MYH11: variants seen among roughly 807,000 people sequenced by gnomAD.
The protein encoded by MYH11 is myosin heavy chain 11, also known as myosin-11.
A neutral mutation model predicts 246.6 loss-of-function variants in MYH11; 80 were observed. The observed-to-expected ratio is 0.32, with a 90% CI of 0.27 to 0.39. The LOEUF (loss-of-function observed/expected upper bound fraction) is 0.39, where lower values mean the gene tolerates loss of function less well. Among genes scored for constraint, MYH11 ranks in the 10% least tolerant of loss-of-function variants. The pLI, the probability that MYH11 is intolerant of heterozygous loss-of-function variation, is 1.00. For synonymous variants in MYH11, 1,071 were observed against 1,015.5 expected, an observed-to-expected ratio of 1.05 and a Z score of -1.04; for missense variants, 2,158 against 2,546.8, an observed-to-expected ratio of 0.85 and a Z score of 3.29.
At chr16:15,756,795 T>C (rs1209010831) in intron 13 of MYH11, among the ~76,000 whole-genome samples, 1 of 13,232 alleles carries the variant, frequency 7.6e-5, no homozygotes, top group African/African-American at 1.3e-4. Context: ...TCATAACTCT[T>C]TTTTTTTTTT....
At chr16:15,731,340 C>G (rs867251403) in intron 27 of MYH11, among the ~76,000 whole-genome samples, 1 of 152,134 alleles carries the variant, frequency 6.6e-6, no homozygotes, top group African/African-American at 2.4e-5. Flanking sequence ...CTGTCACTTA[C>G]CAGCAGTGTG....
In MYH11 at chr16:15,706,285, A is replaced by C. The variant is rs543932324; in HGVS notation, c.5787-2162T>G. On this transcript the variant is annotated intron_variant, in intron 40 of 40. Transcript: ENST00000300036. ...TGACCCTTAAGTCTTTTTCTTTTTT[A>C]GCACTGTTTTCCAAGCGCTTGACTC... Among the ~76,000 whole-genome samples the C allele has an allele frequency of 2.0e-5, 3 of 152,148 alleles. No individual in the cohort carries two copies. The South Asian group carries it at 6.2e-4, about 32-fold the overall frequency.
At chr16:15,845,572 G>A (rs1011305393) in intron 1 of MYH11, among the ~76,000 whole-genome samples, 4 of 152,100 alleles carry the variant, frequency 2.6e-5, no homozygotes, top group South Asian at 2.1e-4. Flanking sequence ...GGCTTGATAC[G>A]ACGCGTCTTC....
At chr16:15,806,129 T>C (rs1244385187) in intron 3 of MYH11, among the ~76,000 whole-genome samples, 35 of 150,808 alleles carry the variant, frequency 2.3e-4, no homozygotes, top group Admixed American at 2.3e-3. Flanking sequence ...ATACAAAAAT[T>C]AGCCAGGTGT....
chr16:15,846,467 G>A (rs1369840901), intron 1 of MYH11, among the ~76,000 whole-genome samples: 1 of 152,162 alleles, frequency 6.6e-6, no homozygotes, highest in African/African-American at 2.4e-5. Flanking sequence ...ATGATTGCAA[G>A]GACAGAACGT....
intron 26 of MYH11, among the ~76,000 whole-genome samples, chr16:15,734,361 C>T (rs961431792): frequency 2.2e-4 from 34 of 151,898 alleles, no homozygotes; most frequent in Admixed American, 2.2e-3. Context: ...TGCGATGGTG[C>T]GATCTCAGCT....
intron 19 of MYH11, among the ~76,000 whole-genome samples, chr16:15,745,491 A>G (rs1021720440): frequency 6.6e-6 from 1 of 152,114 alleles, no homozygotes; most frequent in Non-Finnish European, 1.5e-5. Flanking sequence ...CTGAGATCCA[A>G]ACACCACTCA....
At chr16:15,759,196 CTTT>C (rs10593456) in intron 12 of MYH11, among the ~76,000 whole-genome samples, 129 of 119,376 alleles carry the variant, frequency 1.1e-3, no homozygotes, top group African/African-American at 3.7e-3. Flanking sequence ...GAGATATGTG[CTTT>C]TTTTTTTTTT....
intron 3 of MYH11, among the ~76,000 whole-genome samples, chr16:15,811,431 T>C (rs916447072): frequency 6.6e-6 from 1 of 152,088 alleles, no homozygotes; most frequent in African/African-American, 2.4e-5. Context: ...GGTCCCCAGG[T>C]TTGACTCTCA....
At chr16:15,833,614 G>C (rs2043812515) in intron 2 of MYH11, among the ~76,000 whole-genome samples, 1 of 152,162 alleles carries the variant, frequency 6.6e-6, no homozygotes, top group African/African-American at 2.4e-5. Flanking sequence ...AGCTCCTCTG[G>C]CTTCTATAGA....
intron 16 of MYH11, 147 bp from the exon 17 acceptor site, chr16:15,748,315 G>A (rs1404573782): frequency 1.5e-6 from 2 of 1,361,106 alleles, no homozygotes; most frequent in African/African-American, 2.9e-5. Context: ...GAGGGCCGAG[G>A]GGCAAAGCAG....
chr16:15,853,250 A>G (rs1013884272), intron 1 of MYH11, among the ~76,000 whole-genome samples: 2 of 152,064 alleles, frequency 1.3e-5, no homozygotes, highest in African/African-American at 4.8e-5. Flanking sequence ...GGCTCAAGCA[A>G]TCCTCCTGCC....
chr16:15,782,218 G>A (rs2042371894), intron 6 of MYH11, among the ~76,000 whole-genome samples, 167 bp downstream of exon 6: 1 of 152,098 alleles, frequency 6.6e-6, no homozygotes, highest in Non-Finnish European at 1.5e-5. Context: ...ATAAATTAAT[G>A]AATGAATGAG....
At chr16:15,777,097 G>GCAGACATACATACA (rs750248562) in intron 7 of MYH11, among the ~76,000 whole-genome samples, 4 of 145,436 alleles carry the variant, frequency 2.8e-5, no homozygotes, top group Non-Finnish European at 6.1e-5. Context: ...GTATACACAC[G>GCAGACATACATACA]CACACATACA....
chr16:15,724,428 G>A lies in MYH11; in HGVS notation c.4117-19C>T. On this transcript the variant is annotated intron_variant, in intron 30 of 40. Transcript: ENST00000300036. ...CGGAGAGCTACAAGGACAGCGTCCA[G>A]GGTAGGGTGAGAGGGGGACCATGAG... The A allele has an allele frequency of 6.2e-7, 1 of 1,613,468 alleles. No homozygotes were observed. Among genetic ancestry groups the A allele is most frequent in the Non-Finnish European group, 8.5e-7 (1 of 1,180,012 alleles).
At chr16:15,707,001 C>G (rs1259080303) in intron 40 of MYH11, among the ~76,000 whole-genome samples, 1 of 152,002 alleles carries the variant, frequency 6.6e-6, no homozygotes, top group Non-Finnish European at 1.5e-5. Flanking sequence ...AACTAAGGGA[C>G]CCCCCTAAAG....
rs1295501126 is a variant in MYH11 at position 15,722,846 on chromosome 16, C to T, written c.4366-1212G>A. Among the ~76,000 whole-genome samples, 3 of 152,164 alleles carry T rather than the reference C, an allele frequency of 2.0e-5. No individual in the cohort carries two copies. The East Asian group carries it at 5.8e-4, about 29-fold the overall frequency. Reference sequence around the variant, plus strand: ...ACCTCCACCCCACCCTGGGTTCAAGCGATTCTCCTGCCTCAGCTTCCAGAG... The same window carrying T: ...ACCTCCACCCCACCCTGGGTTCAAGTGATTCTCCTGCCTCAGCTTCCAGAG... On this transcript the variant is annotated intron_variant, in intron 31 of 40. Coordinates refer to ENST00000300036, the MANE Select transcript of MYH11 (RefSeq NM_002474.3).
At chr16:15,850,757 T>C (rs1669167876) in intron 1 of MYH11, among the ~76,000 whole-genome samples, 1 of 152,066 alleles carries the variant, frequency 6.6e-6, no homozygotes, top group African/African-American at 2.4e-5. Flanking sequence ...TAGCCAGGCA[T>C]GGCAGCACAT....
chr16:15,738,629 T>A lies in MYH11; in HGVS notation c.3057A>T (p.Glu1019Asp). ...SDLTTNLAEE[E>D]EKAKNLTKLK... ...GCTTGGTAAGATTCTTGGCCTTTTC[T>A]TCCTCTTCTGCAAGATTTGTCGTTA... is the stretch of plus-strand genomic sequence containing the variant. Residue 1019 changes from glutamate (E) to aspartate (D), a missense_variant, in exon 24 of 41, where the codon GAA becomes GAT. Around this residue, in one of 11 missense-constraint regions of MYH11, gnomAD observed 284 missense variants for 315.4 expected, o/e 0.90. Coordinates refer to ENST00000300036, the MANE Select transcript of MYH11 (RefSeq NM_002474.3). 6.2e-7 allele frequency: 1 copy of A among 1,614,176 alleles called. No homozygotes were observed. The highest frequency in any genetic ancestry group is 8.5e-7 in the Non-Finnish European group (1 of 1,180,018).
Sources: gnomAD v4.1 joint callset for allele counts (sites outside exome capture counted in the v4.1 genomes callset) on GRCh38, gnomAD v4.1.1 for gene constraint, gnomAD v4.1.1 regional missense constraint, MANE v1.5 for transcripts, NCBI Gene and HGNC (gene_info 2026-07-23, HGNC 2026-07-21) for gene names.